The following COMMD10 variants were observed in gnomAD, a reference collection of about 807,000 sequenced individuals.
The protein encoded by COMMD10 is COMM domain containing 10.
COMMD10 carries 33 observed loss-of-function variants against 28.9 expected under a neutral mutation model. The observed-to-expected ratio is 1.14, with a 90% CI of 0.87 to 1.53. The LOEUF (loss-of-function observed/expected upper bound fraction) is 1.53. Among genes scored for constraint, COMMD10 ranks in the 40% most tolerant of loss-of-function variants. The pLI, the probability that COMMD10 is intolerant of heterozygous loss-of-function variation, is 0.00. For missense variants in COMMD10, 310 were observed against 233.4 expected (o/e 1.33, Z -2.14); for synonymous variants, 110 against 81.7 (o/e 1.35, Z -1.87).
rs545559578 is a variant in COMMD10 at position 116,108,812 on chromosome 5, G to A, written c.399+16112G>A. Among the ~76,000 whole-genome samples, 7 of 152,206 alleles carry A rather than the reference G, an allele frequency of 4.6e-5. No homozygotes were observed. The South Asian group carries it at 1.5e-3, about 32-fold the overall frequency. On this transcript the variant is annotated intron_variant, in intron 4 of 6. Transcript: ENST00000274458. ...ACCCAGTTTTATGCTTGAAACCCAG[G>A]GCCTAGGTGGCATAGGCACCCGAGG...
chr5:116,212,611 A>G (rs1286621981), intron 5 of COMMD10, among the ~76,000 whole-genome samples: 1 of 151,762 alleles, frequency 6.6e-6, no homozygotes, highest in Non-Finnish European at 1.5e-5. Context: ...TCTGATTTTA[A>G]AATAAGCATG....
intron 4 of COMMD10, among the ~76,000 whole-genome samples, chr5:116,119,815 C>T (rs1751365217): frequency 1.3e-5 from 2 of 152,038 alleles, no homozygotes; most frequent in African/African-American, 4.8e-5. Flanking sequence ...AGTGTCTTGC[C>T]ATTTTGCCCA....
intron 4 of COMMD10, among the ~76,000 whole-genome samples, chr5:116,129,780 G>GTA (rs67652205): frequency 2.1e-5 from 1 of 46,612 alleles, no homozygotes; most frequent in Non-Finnish European, 8.0e-5. Flanking sequence ...ATATACATTA[G>GTA]TATATATATA....
At chr5:116,112,397 AT>A (rs1012400915) in intron 4 of COMMD10, among the ~76,000 whole-genome samples, 5 of 151,100 alleles carry the variant, frequency 3.3e-5, no homozygotes, top group African/African-American at 9.7e-5. Context: ...CATATAGTTG[AT>A]TTTTTTTCTT....
chr5:116,182,319 GAGAA>G (rs1747995201), intron 5 of COMMD10, among the ~76,000 whole-genome samples: 1 of 77,246 alleles, frequency 1.3e-5, no homozygotes, highest in Non-Finnish European at 2.2e-5. Flanking sequence ...GGAGGTGAAA[GAGAA>G]AGAGGAGAGA....
intron 5 of COMMD10, among the ~76,000 whole-genome samples, chr5:116,233,477 A>C (rs1717868694): frequency 6.6e-6 from 1 of 152,162 alleles, no homozygotes; most frequent in Admixed American, 6.6e-5. Flanking sequence ...GACCCTTGTG[A>C]AGTCTGTATT....
At chr5:116,190,090 A>G (rs574339588) in intron 5 of COMMD10, among the ~76,000 whole-genome samples, 1 of 152,164 alleles carries the variant, frequency 6.6e-6, no homozygotes, top group Admixed American at 6.6e-5. Flanking sequence ...ATGAGTATAT[A>G]TCAGGGTACC....
At chr5:116,279,357 A>G (rs1326131720) in intron 5 of COMMD10, among the ~76,000 whole-genome samples, 1 of 151,880 alleles carries the variant, frequency 6.6e-6, no homozygotes, top group East Asian at 1.9e-4. Context: ...AAGTTATTCG[A>G]TTGATTTAAC....
intron 5 of COMMD10, among the ~76,000 whole-genome samples, chr5:116,192,001 C>A (rs1748383610): frequency 6.6e-6 from 1 of 151,608 alleles, no homozygotes; most frequent in Admixed American, 6.6e-5. Context: ...ATTGTGCAGA[C>A]AACCCCCAGT....
chr5:116,121,324 T>C (rs1331762185), intron 4 of COMMD10, among the ~76,000 whole-genome samples: 1 of 152,224 alleles, frequency 6.6e-6, no homozygotes, highest in Non-Finnish European at 1.5e-5. Flanking sequence ...TCCTTTTTTA[T>C]GGCTGCATAG....
chr5:116,175,203 T>C (rs1753463357), intron 5 of COMMD10, among the ~76,000 whole-genome samples: 1 of 152,134 alleles, frequency 6.6e-6, no homozygotes, highest in Non-Finnish European at 1.5e-5. Flanking sequence ...TATATATTTG[T>C]TTTTTATTTT....
intron 1 of COMMD10, among the ~76,000 whole-genome samples, chr5:116,086,453 A>ATC (rs376590841): frequency 7.5e-6 from 1 of 132,876 alleles, no homozygotes; most frequent in Non-Finnish European, 1.7e-5. Flanking sequence ...AGGCGGGCTA[A>ATC]TCTCTCTCTC....
At chr5:116,262,353 T>C (rs951947580) in intron 5 of COMMD10, among the ~76,000 whole-genome samples, 7 of 151,766 alleles carry the variant, frequency 4.6e-5, no homozygotes, top group Non-Finnish European at 8.8e-5. Context: ...TGTTGCCTTT[T>C]GAAATTAAAT....
At chr5:116,266,172 T>A (rs893565555) in intron 5 of COMMD10, among the ~76,000 whole-genome samples, 1 of 151,678 alleles carries the variant, frequency 6.6e-6, no homozygotes, top group African/African-American at 2.4e-5. Flanking sequence ...AGGCATTGTT[T>A]TCAGGAAAAT....
chr5:116,253,465 T>C (rs1415273242), intron 5 of COMMD10, among the ~76,000 whole-genome samples: 5 of 150,836 alleles, frequency 3.3e-5, no homozygotes, highest in African/African-American at 4.9e-5. Context: ...TTTTGAAATA[T>C]GTCCCATCAA....
At chr5:116,116,936 A>G (rs1751259753) in intron 4 of COMMD10, among the ~76,000 whole-genome samples, 1 of 152,140 alleles carries the variant, frequency 6.6e-6, no homozygotes, top group African/African-American at 2.4e-5. Context: ...AAGTATAGAA[A>G]ATTTTCATCA....
chr5:116,198,651 G>A (rs1029379046), intron 5 of COMMD10, among the ~76,000 whole-genome samples: 1 of 151,966 alleles, frequency 6.6e-6, no homozygotes, highest in Middle Eastern at 3.2e-3. Context: ...TCTACTACAC[G>A]GAAAATCCTC....
chr5:116,163,647 GATGATTTT>G (rs1561641464), intron 5 of COMMD10, among the ~76,000 whole-genome samples: 2 of 152,010 alleles, frequency 1.3e-5, no homozygotes, highest in Non-Finnish European at 2.9e-5. Context: ...AAACTATCTT[GATGATTTT>G]GTGAATAGTT....
chr5:116,253,091 GCTCT>G (rs1750167960), intron 5 of COMMD10, among the ~76,000 whole-genome samples: 1 of 72,480 alleles, frequency 1.4e-5, no homozygotes, highest in Admixed American at 1.4e-4. Context: ...TCATGATTTG[GCTCT>G]CTGTCTGTTA....
Sources: allele counts gnomAD v4.1 joint callset (sites outside exome capture counted in the v4.1 genomes callset), GRCh38; gene constraint gnomAD v4.1.1; transcripts MANE v1.5; gene names NCBI Gene and HGNC (gene_info 2026-07-23, HGNC 2026-07-21).